Variants in KCTD8 observed in about 807,000 individuals in gnomAD.
The protein encoded by KCTD8 is potassium channel tetramerization domain containing 8, also known as BTB/POZ domain-containing protein KCTD8.
In KCTD8, 27 loss-of-function variants were observed where a neutral mutation model predicts 31.5. The ratio of observed to expected loss-of-function variants is 0.86; its 90% CI spans 0.63 to 1.18. The LOEUF (loss-of-function observed/expected upper bound fraction) is 1.18, where lower values mean the gene tolerates loss of function less well. KCTD8 is among the 50% of genes most tolerant of loss of function. The pLI is 0.00. For missense variants in KCTD8, 658 were observed against 647.7 expected, an observed-to-expected ratio of 1.02 and a Z score of -0.17; for synonymous variants, 290 against 280.0, an observed-to-expected ratio of 1.04 and a Z score of -0.36.
chr4:44,418,346 A>T (rs1721126288), intron 1 of KCTD8, among the ~76,000 whole-genome samples: 1 of 152,168 alleles, frequency 6.6e-6, no homozygotes, highest in South Asian at 2.1e-4. Context: ...AAAATGAGGC[A>T]AAAAATAAGA....
At chr4:44,378,945 C>A (rs1368272588) in intron 1 of KCTD8, among the ~76,000 whole-genome samples, 3 of 152,096 alleles carry the variant, frequency 2.0e-5, no homozygotes, top group East Asian at 1.9e-4. Flanking sequence ...TCTTTGCTAA[C>A]TTCCAGAGGC....
At chr4:44,238,865 A>C (rs1468061316) in intron 1 of KCTD8, among the ~76,000 whole-genome samples, 1 of 152,198 alleles carries the variant, frequency 6.6e-6, no homozygotes, top group Non-Finnish European at 1.5e-5. Flanking sequence ...TGATCTAATA[A>C]GTTTTCTAAA....
chr4:44,237,177 A>T (rs1715316939), intron 1 of KCTD8, among the ~76,000 whole-genome samples: 2 of 152,220 alleles, frequency 1.3e-5, no homozygotes, highest in South Asian at 4.1e-4. Flanking sequence ...TACAGTATGG[A>T]AGGAATTTCC....
rs1490304860 is a variant in KCTD8, at chr4:44,448,161, C to T, written c.363G>A (p.Pro121=). The change falls in exon 1 of 2, where the codon CCG becomes CCA. Residue 121 remains proline, a synonymous_variant. Transcript: ENST00000360029. This position sits in a 1 kb window ranked among gnomAD's most constrained non-coding sequence, Gnocchi z 4.1. ...GCCGCTCCTTCTCGGGGAAGTGCTC[C>T]GGCAGCGCGAGTTGCTTGTCCCGCA... The part of the protein sequence containing the change: ...DYLRDKQLAL[P]EHFPEKERLL... 1.9e-6 allele frequency: 3 copies of T among 1,612,502 alleles called. No individual in the cohort carries two copies. Among genetic ancestry groups the T allele is most frequent in the African/African-American group, 1.3e-5 (1 of 74,998 alleles).
chr4:44,314,910 ACTC>A (rs1364625962), intron 1 of KCTD8, among the ~76,000 whole-genome samples: 2 of 150,308 alleles, frequency 1.3e-5, no homozygotes, highest in Non-Finnish European at 3.0e-5. Context: ...AAAAACTTAT[ACTC>A]CTCCTCCTCT....
intron 1 of KCTD8, among the ~76,000 whole-genome samples, chr4:44,390,995 C>A (rs541213166): frequency 5.3e-5 from 8 of 151,912 alleles, no homozygotes; most frequent in African/African-American, 1.4e-4. Context: ...CACGACTCAG[C>A]CATAAAAAGG....
intron 1 of KCTD8, among the ~76,000 whole-genome samples, chr4:44,431,721 G>GA (rs369041800): frequency 6.4e-4 from 97 of 151,680 alleles, no homozygotes; most frequent in African/African-American, 2.3e-3. Flanking sequence ...ATTCCTCTAA[G>GA]ATGGTCTTTT....
chr4:44,215,772 G>A (rs1577835035), intron 1 of KCTD8, among the ~76,000 whole-genome samples: 1 of 150,496 alleles, frequency 6.6e-6, no homozygotes, highest in African/African-American at 2.5e-5. Flanking sequence ...GAAACTAGGG[G>A]ACCAATGTTA....
intron 1 of KCTD8, among the ~76,000 whole-genome samples, chr4:44,410,352 C>A (rs1418112749): frequency 6.6e-6 from 1 of 152,112 alleles, no homozygotes; most frequent in Non-Finnish European, 1.5e-5. Context: ...ATATTAAACT[C>A]TTTCTATTAT....
intron 1 of KCTD8, among the ~76,000 whole-genome samples, chr4:44,180,950 T>C (rs1178315234): frequency 1.3e-5 from 2 of 152,122 alleles, no homozygotes; most frequent in African/African-American, 2.4e-5. Context: ...ACTATGGTAT[T>C]TCAAAGAATT....
At chr4:44,302,129 T>C (rs1717643190) in intron 1 of KCTD8, among the ~76,000 whole-genome samples, 1 of 152,160 alleles carries the variant, frequency 6.6e-6, no homozygotes. Context: ...AGCCTTGTAG[T>C]ATAGTTTGAA....
intron 1 of KCTD8, among the ~76,000 whole-genome samples, chr4:44,370,328 T>A (rs922784207): frequency 6.6e-6 from 1 of 152,186 alleles, no homozygotes; most frequent in Non-Finnish European, 1.5e-5. Flanking sequence ...GAAGATAAAA[T>A]ATTTCAAACT....
intron 1 of KCTD8, among the ~76,000 whole-genome samples, chr4:44,269,002 G>C (rs1716486414): frequency 6.6e-6 from 1 of 152,076 alleles, no homozygotes; most frequent in African/African-American, 2.4e-5. Context: ...TCCCCATCAA[G>C]CTACCAATGA....
intron 1 of KCTD8, among the ~76,000 whole-genome samples, chr4:44,286,993 T>C (rs1287851223): frequency 6.6e-6 from 1 of 152,194 alleles, no homozygotes; most frequent in Non-Finnish European, 1.5e-5. Flanking sequence ...GATGGTGTTA[T>C]TATTTACTAA....
At chr4:44,439,138 C>G (rs1248023650) in intron 1 of KCTD8, among the ~76,000 whole-genome samples, 3 of 152,154 alleles carry the variant, frequency 2.0e-5, no homozygotes, top group Admixed American at 6.5e-5. Context: ...TTTACTTATA[C>G]CAAAAATTAG....
chr4:44,253,577 T>A (rs542150633), intron 1 of KCTD8, among the ~76,000 whole-genome samples: 2 of 151,880 alleles, frequency 1.3e-5, no homozygotes, highest in East Asian at 3.9e-4. Context: ...ATTCTTGCTC[T>A]TGGAATCCAG....
chr4:44,295,269 C>CAT (rs1717394843), intron 1 of KCTD8, among the ~76,000 whole-genome samples: 1 of 151,844 alleles, frequency 6.6e-6, no homozygotes, highest in African/African-American at 2.4e-5. Flanking sequence ...GCACTCCAGC[C>CAT]CAGGTGACAG....
intron 1 of KCTD8, among the ~76,000 whole-genome samples, chr4:44,185,262 G>C (rs542519608): frequency 1.3e-5 from 2 of 148,784 alleles, no homozygotes; most frequent in East Asian, 2.3e-4. Flanking sequence ...TACAGCAACT[G>C]TTGAATCTAT....
chr4:44,303,246 G>A (rs1375341465), intron 1 of KCTD8, among the ~76,000 whole-genome samples: 1 of 152,104 alleles, frequency 6.6e-6, no homozygotes, highest in African/African-American at 2.4e-5. Context: ...AATGAGTTAG[G>A]GAGGATTCCC....
Sources: allele counts gnomAD v4.1 joint callset (sites outside exome capture counted in the v4.1 genomes callset), GRCh38; gene constraint gnomAD v4.1.1; non-coding constraint Gnocchi (gnomAD v3.1); transcripts MANE v1.5; gene names NCBI Gene and HGNC (gene_info 2026-07-23, HGNC 2026-07-21).